STT3B: variants seen among roughly 807,000 people sequenced by gnomAD.
STT3B encodes dolichyl-diphosphooligosaccharide--protein glycosyltransferase subunit STT3B.
In STT3B, 29 loss-of-function variants were observed where a neutral mutation model predicts 96.8. The observed-to-expected ratio is 0.30, with a 90% CI of 0.22 to 0.41. STT3B has a LOEUF of 0.41. STT3B is among the 10% of genes least tolerant of loss of function. The pLI is 1.00. For synonymous variants in STT3B, 367 were observed against 360.0 expected (o/e 1.02, Z -0.22); for missense variants, 640 against 1,022.3 (o/e 0.63, Z 5.10).
chr3:31,592,168 C>G (rs1057391218), intron 3 of STT3B, among the ~76,000 whole-genome samples: 1 of 152,114 alleles, frequency 6.6e-6, no homozygotes, highest in Non-Finnish European at 1.5e-5. Flanking sequence ...ATTTTTGTCT[C>G]TATGATTTTG....
In STT3B at chr3:31,550,778, T is replaced by C. The variant is rs76193197; in HGVS notation, c.314+17466T>C. 2.2e-3 allele frequency among the ~76,000 whole-genome samples: 333 copies of C among 152,282 alleles called. 8 individuals carry two copies. In the East Asian group the frequency reaches 0.06, roughly 27 times the overall value. ...GGTGAGATTGAATTTAGGCTGTTTTTTTCGTTCTATTGAAGGGGGATTTTT... is the reference window on the plus strand; with the variant it reads ...GGTGAGATTGAATTTAGGCTGTTTTCTTCGTTCTATTGAAGGGGGATTTTT... On this transcript the variant is annotated intron_variant, in intron 1 of 15. Transcript: ENST00000295770.
intron 15 of STT3B, among the ~76,000 whole-genome samples, chr3:31,634,315 CT>C (rs1699719495): frequency 6.6e-6 from 1 of 152,136 alleles, no homozygotes; most frequent in South Asian, 2.1e-4. Context: ...CTAAGGTGTA[CT>C]TTTTCTGCAA....
At chr3:31,590,090 T>C (rs565634388) in intron 3 of STT3B, among the ~76,000 whole-genome samples, 5 of 151,972 alleles carry the variant, frequency 3.3e-5, no homozygotes, top group Non-Finnish European at 7.4e-5. Flanking sequence ...TTTAAAAGTT[T>C]TTTTATTTTA....
At chr3:31,570,082 C>G (rs912118967) in intron 1 of STT3B, among the ~76,000 whole-genome samples, 11 of 151,802 alleles carry the variant, frequency 7.2e-5, no homozygotes, top group African/African-American at 1.9e-4. Flanking sequence ...ATCTATAACA[C>G]TCTCCTTTCA....
In STT3B at chr3:31,551,338, C is replaced by G. The variant is rs879391483; in HGVS notation, c.314+18026C>G. Among the ~76,000 whole-genome samples, 6 of 152,250 alleles carry G rather than the reference C, an allele frequency of 3.9e-5. No individual in the cohort carries two copies. In the East Asian group the frequency reaches 9.7e-4, roughly 25 times the overall value. ...TCAAATGATCCTCCCACCTTAGCCT[C>G]TCAAGTAGCTGGCACTACATGCGCA... On this transcript the variant is annotated intron_variant, in intron 1 of 15. Transcript: ENST00000295770.
chr3:31,633,262 T>G (rs1427565628), intron 15 of STT3B, 115 bp downstream of exon 15: 3 of 890,014 alleles, frequency 3.4e-6, no homozygotes, highest in African/African-American at 3.4e-5. Flanking sequence ...AGACTATGGC[T>G]TCTATATTAA....
At chr3:31,537,217 A>G (rs1697123140) in intron 1 of STT3B, among the ~76,000 whole-genome samples, 1 of 152,236 alleles carries the variant, frequency 6.6e-6, no homozygotes, top group African/African-American at 2.4e-5. Context: ...AAGGAATGAT[A>G]AACCTTTGGA....
chr3:31,630,330 G>T (rs1020309436), intron 14 of STT3B, among the ~76,000 whole-genome samples: 17 of 152,138 alleles, frequency 1.1e-4, no homozygotes, highest in Non-Finnish European at 2.1e-4. Context: ...TACTCCATTA[G>T]TTTCTCCCAT....
chr3:31,589,967 T>TA (rs1342107012), intron 3 of STT3B, among the ~76,000 whole-genome samples: 5 of 152,046 alleles, frequency 3.3e-5, no homozygotes, highest in Non-Finnish European at 7.4e-5. Context: ...TGGCAGTATT[T>TA]ACCATTGAAG....
intron 13 of STT3B, among the ~76,000 whole-genome samples, chr3:31,628,402 G>A (rs1443528781): frequency 1.3e-5 from 2 of 152,126 alleles, no homozygotes; most frequent in East Asian, 1.9e-4. Context: ...CATTTTTTGT[G>A]TGTGTGCATG....
At chr3:31,627,187 G>A (rs1327511415) in intron 13 of STT3B, among the ~76,000 whole-genome samples, 1 of 152,178 alleles carries the variant, frequency 6.6e-6, no homozygotes, top group Non-Finnish European at 1.5e-5. Context: ...CATAGCAGGA[G>A]GTAAGGGGCA....
At chr3:31,547,481 C>T (rs1020832825) in intron 1 of STT3B, among the ~76,000 whole-genome samples, 1 of 152,100 alleles carries the variant, frequency 6.6e-6, no homozygotes, top group Non-Finnish European at 1.5e-5. Flanking sequence ...CCCGTCTCTA[C>T]TAAAAATACA....
At chr3:31,569,890 A>G (rs1348172212) in intron 1 of STT3B, among the ~76,000 whole-genome samples, 1 of 152,016 alleles carries the variant, frequency 6.6e-6, no homozygotes, top group African/African-American at 2.4e-5. Context: ...GTCATTATGT[A>G]TGTAAATCAT....
intron 1 of STT3B, among the ~76,000 whole-genome samples, chr3:31,559,839 G>C (rs1012922852): frequency 6.6e-6 from 1 of 152,018 alleles, no homozygotes. Context: ...ATTAAATCTA[G>C]TAATATTTGC....
At chr3:31,617,384 T>C (rs1173031189) in intron 7 of STT3B, among the ~76,000 whole-genome samples, 1 of 151,878 alleles carries the variant, frequency 6.6e-6, no homozygotes, top group African/African-American at 2.4e-5. Flanking sequence ...TCCCCTACTT[T>C]TCAGCAGTTT....
chr3:31,557,916 C>A (rs910829557), intron 1 of STT3B, among the ~76,000 whole-genome samples: 1 of 152,230 alleles, frequency 6.6e-6, no homozygotes, highest in Non-Finnish European at 1.5e-5. Flanking sequence ...AGGCGTGAGC[C>A]ACTGTATTTT....
At position 31,619,615 on chromosome 3, in the gene STT3B, T is replaced by C. The variant is rs924188274; in HGVS notation, c.1173-61T>C. 5.6e-6 allele frequency: 8 copies of C among 1,420,320 alleles called. No homozygotes were observed. In the African/African-American group the frequency reaches 1.1e-4, roughly 20 times the overall value. 88.0% of individuals were successfully genotyped at this position (1,420,320 alleles called of 1,614,324 possible). A position where few individuals can be genotyped will look rare whatever the true frequency, so the allele number is the denominator to read the frequency against. ...TCTACAACCAAACAAGATTTCTTCA[T>C]CTAAAAGGAACTCCTGTTTTATCAC... On this transcript the variant is annotated intron_variant, in intron 8 of 15. Coordinates refer to ENST00000295770, the MANE Select transcript of STT3B (RefSeq NM_178862.3).
chr3:31,628,983 G>C (rs1280096092), intron 13 of STT3B, among the ~76,000 whole-genome samples: 1 of 152,134 alleles, frequency 6.6e-6, no homozygotes, highest in Non-Finnish European at 1.5e-5. Flanking sequence ...CCGTGGGCCT[G>C]TAGTCCCAGC....
intron 3 of STT3B, among the ~76,000 whole-genome samples, chr3:31,594,959 T>C (rs1698753787): frequency 4.6e-5 from 7 of 152,194 alleles, no homozygotes; most frequent in Admixed American, 3.9e-4. Context: ...CCTGTCAGCC[T>C]CCTTGTATTC....
Sources: gnomAD v4.1 joint callset for allele counts (sites outside exome capture counted in the v4.1 genomes callset) on GRCh38, gnomAD v4.1.1 for gene constraint, MANE v1.5 for transcripts, NCBI Gene and HGNC (gene_info 2026-07-23, HGNC 2026-07-21) for gene names.